AP2A1: variants seen among roughly 807,000 people sequenced by gnomAD.
The protein encoded by AP2A1 is adaptor related protein complex 2 subunit alpha 1.
A neutral mutation model predicts 107.3 loss-of-function variants in AP2A1; 21 were observed. The ratio of observed to expected loss-of-function variants is 0.20; its 90% CI spans 0.14 to 0.28. AP2A1 has a LOEUF of 0.28. Among genes scored for constraint, AP2A1 ranks in the 10% least tolerant of loss-of-function variants. The pLI is 1.00. For synonymous variants in AP2A1, 602 were observed against 564.8 expected (o/e 1.07, Z -0.93); for missense variants, 873 against 1,307.7 (o/e 0.67, Z 5.13).
chr19:49,779,146 C>CT (rs1201383010), intron 1 of AP2A1, among the ~76,000 whole-genome samples: 1 of 151,638 alleles, frequency 6.6e-6, no homozygotes, highest in Non-Finnish European at 1.5e-5. Flanking sequence ...ACCATGCTGG[C>CT]TAACATGCTG....
At chr19:49,802,628 G>T in intron 15 of AP2A1, 1 of 1,518,252 alleles carries the variant, frequency 6.6e-7, no homozygotes, top group Non-Finnish European at 8.8e-7. Flanking sequence ...TGGGAGGTCG[G>T]TCGGGGGGGC....
At chr19:49,790,565 A>G (rs2073129560) in intron 4 of AP2A1, among the ~76,000 whole-genome samples, 1 of 152,096 alleles carries the variant, frequency 6.6e-6, no homozygotes, top group Non-Finnish European at 1.5e-5. Flanking sequence ...CGCTTGGCTA[A>G]TTCTCATATT....
intron 1 of AP2A1, among the ~76,000 whole-genome samples, chr19:49,769,192 A>G (rs891273531): frequency 2.0e-5 from 3 of 152,054 alleles, no homozygotes; most frequent in Admixed American, 6.6e-5. Context: ...AGAGGTTGCA[A>G]TGAGCCGAGA....
chr19:49,793,589 G>C (rs554364442), intron 6 of AP2A1, among the ~76,000 whole-genome samples: 1 of 152,116 alleles, frequency 6.6e-6, no homozygotes, highest in Non-Finnish European at 1.5e-5. Context: ...GCTCCATGTC[G>C]GGTGACACCA....
chr19:49,796,957 G>C (rs967820715), intron 7 of AP2A1: 4 of 152,352 alleles, frequency 2.6e-5, no homozygotes, highest in African/African-American at 9.6e-5. Flanking sequence ...GGTGACACCA[G>C]AGGCCCATCG....
At chr19:49,777,119 C>T (rs11671380) in intron 1 of AP2A1, among the ~76,000 whole-genome samples, 7,301 of 150,418 alleles carry the variant, frequency 0.049, 217 homozygotes, top group Middle Eastern at 0.099. Context: ...CCTGTAATCC[C>T]AACTGCTCGG....
chr19:49,803,268 C>T lies in AP2A1; in HGVS notation c.2255-19C>T. The T allele has an allele frequency of 1.9e-6, 3 of 1,612,882 alleles. No homozygotes were observed. The highest frequency in any genetic ancestry group is 2.5e-6 in the Non-Finnish European group (3 of 1,178,986). ...TCAGAGGGACTCAGATGGAGCTCTG[C>T]CTCCCCCACCTACTGCAGGCCGCAT... On this transcript the variant is annotated intron_variant, in intron 17 of 22. Transcript: ENST00000354293.
intron 1 of AP2A1, among the ~76,000 whole-genome samples, chr19:49,775,237 T>C (rs2084605916): frequency 6.6e-6 from 1 of 152,162 alleles, no homozygotes. Flanking sequence ...CCATATATTT[T>C]TTAAAAAAGC....
At position 49,800,080 on chromosome 19, in the gene AP2A1, G is replaced by T; in HGVS notation, c.1385G>T (p.Trp462Leu). Residue 462 changes from tryptophan (W) to leucine (L), a missense_variant, in exon 11 of 23, where the codon TGG becomes TTG. Physicochemically the swap from Trp to Leu is moderately conservative, Grantham distance 61 (BLOSUM62 -2). This residue lies in a region of AP2A1 where 213 missense variants were observed against 443.5 expected (regional missense o/e 0.48). Coordinates refer to ENST00000354293, the MANE Select transcript of AP2A1 (RefSeq NM_130787.3). ...IAGDYVSEEV[W>L]YRVLQIVTNR... ...GGCGACTACGTGAGTGAGGAGGTGT[G>T]GTACCGTGTGCTACAGATCGTCACC... 1 of 1,613,992 alleles carries T rather than the reference G, an allele frequency of 6.2e-7. No homozygotes were observed. The highest frequency in any genetic ancestry group is 1.7e-4 in the Middle Eastern group (1 of 6,060).
chr19:49,794,136 G>A (rs1360407688), intron 6 of AP2A1, among the ~76,000 whole-genome samples: 18 of 151,426 alleles, frequency 1.2e-4, no homozygotes, highest in African/African-American at 3.6e-4. Flanking sequence ...TCCTGACCTC[G>A]TGATCCACCC....
At chr19:49,806,312 C>G in intron 22 of AP2A1, 59 bp downstream of exon 22, 1 of 1,516,022 alleles carries the variant, frequency 6.6e-7, no homozygotes, top group South Asian at 1.3e-5. Context: ...ATCTCTGCGT[C>G]CACCCTTCCT....
intron 22 of AP2A1, 37 bp from the exon 23 acceptor site, chr19:49,806,644 A>G (rs1410825005): frequency 1.2e-6 from 2 of 1,610,628 alleles, no homozygotes; most frequent in African/African-American, 1.3e-5. Flanking sequence ...TGGGCTCCCC[A>G]TCTCCTCTGA....
chr19:49,806,515 T>C, intron 22 of AP2A1, 166 bp from the exon 23 acceptor site: 1 of 1,449,300 alleles, frequency 6.9e-7, no homozygotes, highest in South Asian at 1.5e-5. Context: ...TTTATAATTT[T>C]CTTCCTCTCT....
chr19:49,785,893 G>A lies in AP2A1; in HGVS notation c.473+3169G>A, dbSNP rs2084730797. 6.6e-6 allele frequency among the ~76,000 whole-genome samples: 1 copy of A among 151,394 alleles called. No individual in the cohort carries two copies. ...GATTGTGCCACTGCACTCCAGCCTG[G>A]GTGACAGAGCGAGACTCCATCTCAA... On this transcript the variant is annotated intron_variant, in intron 4 of 22. Transcript: ENST00000354293. The surrounding 1 kb of genome is among the most constrained non-coding windows in gnomAD (Gnocchi z 4.1).
intron 1 of AP2A1, among the ~76,000 whole-genome samples, chr19:49,777,170 G>C (rs1350287827): frequency 6.6e-6 from 1 of 151,930 alleles, no homozygotes; most frequent in Non-Finnish European, 1.5e-5. Flanking sequence ...GGGAGGTGGA[G>C]GTTGCAGTGA....
intron 21 of AP2A1, 87 bp downstream of exon 21, chr19:49,806,028 C>A: frequency 6.2e-7 from 1 of 1,610,294 alleles, no homozygotes. Context: ...GGGGCCAATT[C>A]CCATCCCCAA....
chr19:49,777,397 A>G (rs2084627487), intron 1 of AP2A1, among the ~76,000 whole-genome samples: 2 of 152,048 alleles, frequency 1.3e-5, no homozygotes, highest in Admixed American at 1.3e-4. Flanking sequence ...GCACTTTGGG[A>G]GGCTGAGGCG....
At chr19:49,768,799 C>T (rs2084529067) in intron 1 of AP2A1, among the ~76,000 whole-genome samples, 1 of 152,164 alleles carries the variant, frequency 6.6e-6, no homozygotes, top group South Asian at 2.1e-4. Flanking sequence ...GTTGTTTAAC[C>T]TCTTTCAGGA....
chr19:49,802,747 C>A (rs548562672), intron 15 of AP2A1: 2 of 1,035,466 alleles, frequency 1.9e-6, no homozygotes, highest in East Asian at 2.6e-5. Context: ...TGGTGTCTGC[C>A]GATGCGGGGG....
Sources: allele counts gnomAD v4.1 joint callset (sites outside exome capture counted in the v4.1 genomes callset), GRCh38; gene constraint gnomAD v4.1.1; regional missense constraint gnomAD v4.1.1; non-coding constraint Gnocchi (gnomAD v3.1); transcripts MANE v1.5; gene names NCBI Gene and HGNC (gene_info 2026-07-23, HGNC 2026-07-21).